GPD2: variants seen among roughly 807,000 people sequenced by gnomAD.
The protein encoded by GPD2 is glycerol-3-phosphate dehydrogenase, mitochondrial.
GPD2 carries 54 observed loss-of-function variants against 82.4 expected under a neutral mutation model. The ratio of observed to expected loss-of-function variants is 0.66; its 90% CI spans 0.53 to 0.82. The LOEUF is 0.82. Among genes scored for constraint, GPD2 ranks in the 40% least tolerant of loss-of-function variants. GPD2 has a pLI of 0.00. For missense variants in GPD2, 748 were observed against 896.2 expected, an observed-to-expected ratio of 0.83 and a Z score of 2.11; for synonymous variants, 288 against 306.1, an observed-to-expected ratio of 0.94 and a Z score of 0.62.
intron 6 of GPD2, among the ~76,000 whole-genome samples, chr2:156,520,447 G>A (rs939366607): frequency 6.6e-6 from 1 of 151,972 alleles, no homozygotes; most frequent in African/African-American, 2.4e-5. Context: ...CTGCTATGCT[G>A]AATTGTATTA....
chr2:156,553,240 A>G (rs986198056), intron 8 of GPD2, among the ~76,000 whole-genome samples: 6 of 151,956 alleles, frequency 3.9e-5, no homozygotes, highest in African/African-American at 1.2e-4. Context: ...TGATCCTTGG[A>G]TTATTTTTTC....
intron 9 of GPD2, among the ~76,000 whole-genome samples, chr2:156,563,289 A>G (rs1045940197): frequency 6.6e-6 from 1 of 152,214 alleles, no homozygotes; most frequent in Non-Finnish European, 1.5e-5. Context: ...GAAAAATATT[A>G]TAATTGACAC....
At chr2:156,573,799 G>C (rs1687722388) in intron 13 of GPD2, among the ~76,000 whole-genome samples, 1 of 152,096 alleles carries the variant, frequency 6.6e-6, no homozygotes, top group African/African-American at 2.4e-5. Flanking sequence ...ACAAAGGAGT[G>C]GGGAGAAAGA....
chr2:156,480,526 G>T (rs1683687675), intron 2 of GPD2, among the ~76,000 whole-genome samples: 1 of 151,902 alleles, frequency 6.6e-6, no homozygotes, highest in African/African-American at 2.4e-5. Context: ...TTTAACCTCA[G>T]TGATGTGGTT....
chr2:156,401,162 T>C, the GPD2 span, among the ~76,000 whole-genome samples: 1 of 152,184 alleles, frequency 6.6e-6, no homozygotes, highest in African/African-American at 2.4e-5. Flanking sequence ...TGGCCGGGAA[T>C]CGAACCCGGG....
intron 6 of GPD2, among the ~76,000 whole-genome samples, chr2:156,544,734 C>T (rs1247363946): frequency 1.3e-5 from 2 of 152,084 alleles, no homozygotes; most frequent in African/African-American, 2.4e-5. Context: ...CAGATGTACC[C>T]GGCTCATCTC....
chr2:156,486,496 C>T (rs960536879), intron 2 of GPD2, among the ~76,000 whole-genome samples: 7 of 152,182 alleles, frequency 4.6e-5, no homozygotes, highest in African/African-American at 1.7e-4. Flanking sequence ...CATTTTAAGG[C>T]CTCTTTAAAA....
chr2:156,460,043 A>G (rs1682937204), intron 1 of GPD2, among the ~76,000 whole-genome samples: 1 of 152,226 alleles, frequency 6.6e-6, no homozygotes, highest in Non-Finnish European at 1.5e-5. Context: ...TGACTGCTTC[A>G]TGGTAGGAAC....
chr2:156,505,724 T>C (rs1313684880), intron 3 of GPD2, among the ~76,000 whole-genome samples: 4 of 152,174 alleles, frequency 2.6e-5, no homozygotes, highest in Non-Finnish European at 4.4e-5. Context: ...GGGTGCATTA[T>C]TTTTTATGCC....
chr2:156,584,911 T>A lies in GPD2; in HGVS notation c.*1993T>A, dbSNP rs1006001989. On this transcript the variant is annotated 3_prime_UTR_variant, in exon 17 of 17. Transcript: ENST00000438166. ...CTTTCTAGTTAGATCAAGATAACGA[T>A]GACTTGTACCCTCCCTGATTCTGTT... 1 of 152,094 alleles carries A rather than the reference T, an allele frequency of 6.6e-6. No individual in the cohort carries two copies. The highest frequency in any genetic ancestry group is 1.5e-5 in the Non-Finnish European group (1 of 67,948). 9.4% of individuals were successfully genotyped at this position (152,094 alleles called of 1,614,324 possible).
At chr2:156,541,204 GACTTGA>G (rs1270000896) in intron 6 of GPD2, among the ~76,000 whole-genome samples, 1 of 152,210 alleles carries the variant, frequency 6.6e-6, no homozygotes, top group African/African-American at 2.4e-5. Context: ...ATAGATGTGG[GACTTGA>G]ACTTAAGCAT....
chr2:156,436,233 G>A (rs1021883982), upstream of GPD2, among the ~76,000 whole-genome samples: 3 of 152,248 alleles, frequency 2.0e-5, no homozygotes, highest in African/African-American at 7.2e-5. Context: ...TGGGCCCGAG[G>A]TATCCGGGCA....
At chr2:156,475,423 G>C (rs1683474189) in intron 1 of GPD2, among the ~76,000 whole-genome samples, 1 of 152,070 alleles carries the variant, frequency 6.6e-6, no homozygotes, top group Admixed American at 6.6e-5. Flanking sequence ...CTGCCTCCTG[G>C]GTTCAGGCGA....
chr2:156,566,985 A>G (rs1687416440), intron 9 of GPD2, among the ~76,000 whole-genome samples: 1 of 152,008 alleles, frequency 6.6e-6, no homozygotes, highest in African/African-American at 2.4e-5. Flanking sequence ...ACTATCTTTT[A>G]ATGTGCTTAT....
At chr2:156,439,475 A>C (rs926635698) in intron 1 of GPD2, among the ~76,000 whole-genome samples, 40 of 133,536 alleles carry the variant, frequency 3.0e-4, no homozygotes, top group African/African-American at 1.1e-3. Context: ...CCAGCTACTT[A>C]GGAGGCCAAA....
intron 13 of GPD2, among the ~76,000 whole-genome samples, chr2:156,572,623 T>C (rs1197148799): frequency 2.0e-5 from 3 of 152,128 alleles, no homozygotes; most frequent in Non-Finnish European, 1.5e-5. Flanking sequence ...TGGATGAGAT[T>C]ATATAGGGAG....
chr2:156,439,546 A>AAAAAAAAAAAAAAC, intron 1 of GPD2, among the ~76,000 whole-genome samples: 1 of 141,556 alleles, frequency 7.1e-6, no homozygotes, highest in South Asian at 2.3e-4. Context: ...AAAACAAAAA[A>AAAAAAAAAAAAAAC]AAAAAAACAA....
intron 2 of GPD2, among the ~76,000 whole-genome samples, chr2:156,485,566 G>C (rs1683908562): frequency 6.6e-6 from 1 of 152,200 alleles, no homozygotes; most frequent in Admixed American, 6.5e-5. Context: ...TGTCAAACTT[G>C]TGTATTAATT....
At chr2:156,432,619 G>A (rs1394840260), upstream of GPD2, among the ~76,000 whole-genome samples, 3 of 152,144 alleles carry the variant, frequency 2.0e-5, no homozygotes, top group African/African-American at 7.2e-5. Flanking sequence ...TTAGGGCTGT[G>A]CATTTTTAAG....
Sources: allele counts gnomAD v4.1 joint callset (sites outside exome capture counted in the v4.1 genomes callset), GRCh38; gene constraint gnomAD v4.1.1; transcripts MANE v1.5; gene names NCBI Gene and HGNC (gene_info 2026-07-23, HGNC 2026-07-21).